LPIN3: variants seen among roughly 807,000 people sequenced by gnomAD.
LPIN3 encodes phosphatidate phosphatase LPIN3.
LPIN3 carries 82 observed loss-of-function variants against 94.7 expected under a neutral mutation model. That is an observed-to-expected ratio of 0.87 (90% CI 0.72 to 1.04). The LOEUF (loss-of-function observed/expected upper bound fraction) is 1.04, where lower values mean the gene tolerates loss of function less well. Among genes scored for constraint, LPIN3 ranks in the 50% least tolerant of loss-of-function variants. The probability of loss-of-function intolerance (pLI) is 0.00; values close to 1 mark genes in which losing one functional copy is unlikely to be tolerated. For missense variants in LPIN3, 996 were observed against 1,090.5 expected (o/e 0.91, Z 1.22); for synonymous variants, 418 against 443.3 (o/e 0.94, Z 0.72).
At chr20:41,347,334 T>C (rs1467808021) in intron 2 of LPIN3, among the ~76,000 whole-genome samples, 1 of 151,354 alleles carries the variant, frequency 6.6e-6, no homozygotes, top group Non-Finnish European at 1.5e-5. Flanking sequence ...GAGGGAGAGA[T>C]GGGTAGGGAG....
intron 4 of LPIN3, 45 bp downstream of exon 4, chr20:41,348,932 G>A (rs1280425710): frequency 1.9e-6 from 3 of 1,591,816 alleles, no homozygotes; most frequent in South Asian, 1.1e-5. Context: ...GGGGGTTCAA[G>A]TGCTGTTTCC....
rs749698852 is a variant in LPIN3, at chr20:41,348,664, G to T, written c.334G>T (p.Gly112Cys). Reference sequence around the variant, plus strand: ...GTGCACCTCACCCATCCCTTGGGGGGGTCTGTCTGGCTTCCCCTCGGACTC... The same window carrying T: ...GTGCACCTCACCCATCCCTTGGGGGTGTCTGTCTGGCTTCCCCTCGGACTC... ...GLCTSPIPWGGLSGFPSDSQL... is the reference protein window; with the variant it reads ...GLCTSPIPWGCLSGFPSDSQL... Residue 112 changes from glycine to cysteine, a missense_variant, in exon 4 of 20, where the codon GGT (glycine) becomes TGT (cysteine). Transcript: ENST00000373257. 15 of 1,613,792 alleles carry T rather than the reference G, an allele frequency of 9.3e-6. No homozygotes were observed. Among genetic ancestry groups the T allele is most frequent in the Non-Finnish European group, 1.3e-5 (15 of 1,179,770 alleles).
chr20:41,359,126 T>C lies in LPIN3; in HGVS notation c.*260T>C. 1 of 206,584 alleles carries C rather than the reference T, an allele frequency of 4.8e-6. No homozygotes were observed. Among genetic ancestry groups the C allele is most frequent in the Non-Finnish European group, 9.3e-6 (1 of 107,896 alleles). The allele number at this position is 206,584 out of a possible 1,614,324, so 12.8% of individuals were successfully genotyped here. ...TCATCTGGGCCCTTGCAGGGTTCTT[T>C]TTTTTTTTTTTTTTTTTTTTTTCCT... On this transcript the variant is annotated 3_prime_UTR_variant, in exon 20 of 20. Coordinates refer to ENST00000373257, the MANE Select transcript of LPIN3 (RefSeq NM_022896.3).
chr20:41,354,862 G>A lies in LPIN3; in HGVS notation c.1663G>A (p.Gly555Arg), dbSNP rs1360637261. The change falls in exon 13 of 20, where the codon GGG (glycine) becomes AGG (arginine). Residue 555 changes from glycine to arginine, a missense_variant and splice_region_variant. Coordinates refer to ENST00000373257, the MANE Select transcript of LPIN3 (RefSeq NM_022896.3). Reference protein sequence around the residue: ...KEKTAAKEQQGEKTEVLSSDD... With the variant: ...KEKTAAKEQQREKTEVLSSDD... ...GAAGACTGCAGCCAAGGAGCAGCAG[G>A]GGTGAGTGAGACCCCCTATTGGGGC... The A allele has an allele frequency of 1.3e-6, 2 of 1,560,694 alleles. No homozygotes were observed. Among genetic ancestry groups the A allele is most frequent in the African/African-American group, 1.4e-5 (1 of 73,472 alleles).
In LPIN3 at chr20:41,345,899, C is replaced by T. The variant is rs747446012; in HGVS notation, c.96C>T (p.Asp32=). Residue 32 remains aspartate (D), a synonymous_variant, in exon 2 of 20, where the codon GAC becomes GAT. Coordinates refer to ENST00000373257, the MANE Select transcript of LPIN3 (RefSeq NM_022896.3). ...LNPATLSGGI[D]VLVVKQVDGS... ...CAGCCACACTGAGCGGCGGCATTGA[C>T]GTGCTGGTGGTGAAGCAGGTGGACG... 53 of 1,614,056 alleles carry T rather than the reference C, an allele frequency of 3.3e-5. No homozygotes were observed. The highest frequency in any genetic ancestry group is 4.2e-5 in the Non-Finnish European group (49 of 1,180,036).
intron 2 of LPIN3, among the ~76,000 whole-genome samples, 196 bp from the exon 3 acceptor site, chr20:41,347,356 C>T (rs2045817776): frequency 6.6e-6 from 1 of 152,156 alleles, no homozygotes. Flanking sequence ...TCAGTGAAGG[C>T]CTCTCTGAGG....
At position 41,345,929 on chromosome 20, in the gene LPIN3, G is replaced by T. The variant is rs755941094; in HGVS notation, c.126G>T (p.Ser42=). 6 of 1,614,184 alleles carry T rather than the reference G, an allele frequency of 3.7e-6. No homozygotes were observed. The highest frequency in any genetic ancestry group is 4.2e-6 in the Non-Finnish European group (5 of 1,180,044). ...TGGTGGTGAAGCAGGTGGACGGCTC[G>T]TTCCGGTGCTCACCCTTCCACGTGC... is the stretch of plus-strand genomic sequence containing the variant. ...DVLVVKQVDG[S]FRCSPFHVRF... The change falls in exon 2 of 20, where the codon TCG becomes TCT. Residue 42 remains serine, a synonymous_variant. Coordinates refer to ENST00000373257, the MANE Select transcript of LPIN3 (RefSeq NM_022896.3).
chr20:41,345,883 T>C lies in LPIN3; in HGVS notation c.80T>C (p.Leu27Pro). Residue 27 changes from leucine (L) to proline (P), a missense_variant, in exon 2 of 20, where the codon CTG (leucine) becomes CCG (proline). Leu to Pro is a moderately conservative substitution (Grantham distance 98, BLOSUM62 -3). Coordinates refer to ENST00000373257, the MANE Select transcript of LPIN3 (RefSeq NM_022896.3). ...ELYRGLNPAT[L>P]SGGIDVLVVK... ...TACCGGGGCCTGAACCCAGCCACAC[T>C]GAGCGGCGGCATTGACGTGCTGGTG... 6.2e-7 allele frequency: 1 copy of C among 1,614,218 alleles called. No individual in the cohort carries two copies. The highest frequency in any genetic ancestry group is 1.1e-5 in the South Asian group (1 of 91,076).
At chr20:41,355,770 AG>A in intron 13 of LPIN3, 125 bp from the exon 14 acceptor site, 1 of 1,237,554 alleles carries the variant, frequency 8.1e-7, no homozygotes, top group Non-Finnish European at 1.1e-6. Context: ...ACCTAGAGGG[AG>A]GGATCACTGA....
intron 11 of LPIN3, among the ~76,000 whole-genome samples, chr20:41,354,269 T>C (rs1390734525): frequency 6.6e-6 from 1 of 152,086 alleles, no homozygotes; most frequent in Non-Finnish European, 1.5e-5. Context: ...CAGCTAAAGA[T>C]TGTTCTCCCT....
chr20:41,352,784 T>G lies in LPIN3; in HGVS notation c.1458-14T>G, dbSNP rs767776038. 1.1e-5 allele frequency: 18 copies of G among 1,614,064 alleles called. No individual in the cohort carries two copies. The highest frequency in any genetic ancestry group is 1.4e-5 in the Non-Finnish European group (17 of 1,179,986). ...GCAGCTGCTGCAGCTTGATGCCCTG[T>G]TCTGTCTCTCTAGGCATTATAACTG... On this transcript the variant is annotated splice_polypyrimidine_tract_variant and intron_variant, in intron 10 of 19. Coordinates refer to ENST00000373257, the MANE Select transcript of LPIN3 (RefSeq NM_022896.3).
At position 41,357,346 on chromosome 20, in the gene LPIN3, CCT is replaced by C; in HGVS notation, c.1953-9_1953-8del. On this transcript the variant is annotated splice_polypyrimidine_tract_variant and intron_variant, in intron 15 of 19. Transcript: ENST00000373257. ...GTGGAGCTGCCTTGGAGTAACCCTTCCTCTCTCACTCTAGGTCAGATGCTCTG... is the reference window on the plus strand; with the variant it reads ...GTGGAGCTGCCTTGGAGTAACCCTTCCTCTCACTCTAGGTCAGATGCTCTG... The C allele has an allele frequency of 6.2e-7, 1 of 1,612,960 alleles. No individual in the cohort carries two copies. Among genetic ancestry groups the C allele is most frequent in the South Asian group, 1.1e-5 (1 of 90,948 alleles).
intron 1 of LPIN3, among the ~76,000 whole-genome samples, chr20:41,342,933 C>CCAGCA (rs1416443718): frequency 1.1e-4 from 17 of 152,292 alleles, no homozygotes; most frequent in Admixed American, 2.0e-4. Flanking sequence ...CCGAGTAGGA[C>CCAGCA]CCCGGGTGCC....
chr20:41,354,043 T>C (rs550543925), intron 11 of LPIN3, among the ~76,000 whole-genome samples: 6 of 152,176 alleles, frequency 3.9e-5, no homozygotes, highest in Non-Finnish European at 8.8e-5. Flanking sequence ...CTGACTTGGG[T>C]CTGTAGGATG....
intron 18 of LPIN3, 33 bp from the exon 19 acceptor site, chr20:41,358,406 C>T (rs781110679): frequency 6.2e-7 from 1 of 1,613,488 alleles, no homozygotes; most frequent in Non-Finnish European, 8.5e-7. Flanking sequence ...GCCTGCAGGC[C>T]TCCATTCCAT....
At chr20:41,353,961 AC>A (rs1748551973) in intron 11 of LPIN3, among the ~76,000 whole-genome samples, 1 of 151,512 alleles carries the variant, frequency 6.6e-6, no homozygotes, top group Non-Finnish European at 1.5e-5. Flanking sequence ...CCCCTGAGAG[AC>A]CCCTACCCCA....
At chr20:41,353,700 C>A (rs983573272) in intron 11 of LPIN3, among the ~76,000 whole-genome samples, 3 of 152,270 alleles carry the variant, frequency 2.0e-5, no homozygotes, top group Non-Finnish European at 4.4e-5. Context: ...GCAGTGCCAG[C>A]CTGTGCCAAC....
chr20:41,357,891 C>A lies in LPIN3; in HGVS notation c.2049C>A (p.Tyr683Ter). 3.1e-6 allele frequency: 5 copies of A among 1,614,090 alleles called. No homozygotes were observed. Among genetic ancestry groups the A allele is most frequent in the Non-Finnish European group, 4.2e-6 (5 of 1,179,992 alleles). Reference protein sequence around the residue: ...SLYHKIQLNGYKFLYCSARAI... With the variant: ...SLYHKIQLNG ...TGTCCCCCACTCTCAGAAATGGGTA[C>A]AAGTTCCTGTACTGCTCGGCGCGGG... Residue 683 changes from tyrosine to a stop codon, truncating the protein, a stop_gained, in exon 17 of 20, where the codon TAC (tyrosine) becomes TAA (stop). Transcript: ENST00000373257. LOFTEE classifies it high-confidence loss of function.
chr20:41,360,490 T>C lies in LPIN3; in HGVS notation c.*1624T>C, dbSNP rs1473916133. On this transcript the variant is annotated 3_prime_UTR_variant, in exon 20 of 20. Transcript: ENST00000373257. ...TTGGAGTGGGGGGTCTCTAAACAGA[T>C]TGCCTGGATTCCGTTCTTTCCTGGG... 1 of 152,644 alleles carries C rather than the reference T, an allele frequency of 6.6e-6. No homozygotes were observed. Among genetic ancestry groups the C allele is most frequent in the Non-Finnish European group, 1.5e-5 (1 of 68,096 alleles). 9.5% of individuals were successfully genotyped at this position (152,644 alleles called of 1,614,324 possible).
Sources: allele counts gnomAD v4.1 joint callset (sites outside exome capture counted in the v4.1 genomes callset), GRCh38; gene constraint gnomAD v4.1.1; transcripts MANE v1.5; gene names NCBI Gene and HGNC (gene_info 2026-07-23, HGNC 2026-07-21).